Variants in TRIM58 observed in about 807,000 individuals in gnomAD.
The protein encoded by TRIM58 is tripartite motif containing 58.
Under a neutral mutation model 34.1 loss-of-function variants are expected in TRIM58, and 38 were observed. The observed-to-expected ratio is 1.12, with a 90% confidence interval of 0.86 to 1.46. TRIM58 has a LOEUF of 1.46. Ranked by LOEUF, TRIM58 falls within the 40% of genes most tolerant of loss-of-function variation. The pLI, the probability that TRIM58 is intolerant of heterozygous loss-of-function variation, is 0.00. For missense variants in TRIM58, 677 were observed against 642.0 expected, an observed-to-expected ratio of 1.05 and a Z score of -0.59; for synonymous variants, 273 against 275.7, an observed-to-expected ratio of 0.99 and a Z score of 0.10.
At chr1:247,871,945 A>C (rs558132738) in intron 5 of TRIM58, among the ~76,000 whole-genome samples, 105 of 152,334 alleles carry the variant, frequency 6.9e-4, no homozygotes, top group African/African-American at 2.5e-3. Context: ...GCAGGGGATA[A>C]CCCAGCAAAT....
rs775382601 is a variant in TRIM58, at chr1:247,864,849, C to T, written c.661C>T (p.Arg221Trp). The stretch of plus-strand genomic sequence containing the variant: ...GCAGAGACTGCGGGAGAGCAAGAGC[C>T]GGCTGGTCCAGCAGAGCAAGGCCCT... ...TLQRLRESKS[R>W]LVQQSKALKE... is the part of the protein sequence containing the mutation. Residue 221 changes from arginine to tryptophan, a missense_variant, in exon 3 of 6, where the codon CGG becomes TGG. By Grantham distance (101) the Arg-to-Trp change is moderately radical (BLOSUM62 -3). Transcript: ENST00000366481. The T allele has an allele frequency of 1.5e-5, 24 of 1,612,542 alleles. No individual in the cohort carries two copies. The highest frequency in any genetic ancestry group is 1.8e-4 in the Middle Eastern group (1 of 5,512).
rs116605511 is a variant in TRIM58, at chr1:247,876,636, G to A, written c.*147G>A. The A allele has an allele frequency of 3.4e-3, 2,189 of 636,150 alleles. 34 individuals carry two copies. In the African/African-American group the frequency reaches 0.036, roughly 10 times the overall value. The allele number at this position is 636,150 out of a possible 1,614,324, so 39.4% of individuals were successfully genotyped here. ...TGAAATATGTCCATGGGACAAAAGA[G>A]GGAATATGAAATATTTGCATATGGG... On this transcript the variant is annotated 3_prime_UTR_variant, in exon 6 of 6. Coordinates refer to ENST00000366481, the MANE Select transcript of TRIM58 (RefSeq NM_015431.4).
chr1:247,880,086 A>T lies in TRIM58; in HGVS notation c.*3597A>T, dbSNP rs1368925270. 6.6e-6 allele frequency among the ~76,000 whole-genome samples: 1 copy of T among 152,196 alleles called. No homozygotes were observed. Among genetic ancestry groups the T allele is most frequent in the East Asian group, 1.9e-4 (1 of 5,184 alleles). ...CAATGCTGGTTTGTATGTGGTTATC[A>T]TTCAATCTGTATTTGTTGAATGAAT... On this transcript the variant is annotated 3_prime_UTR_variant, in exon 6 of 6. Coordinates refer to ENST00000366481, the MANE Select transcript of TRIM58 (RefSeq NM_015431.4).
At chr1:247,865,023 G>T in intron 3 of TRIM58, 88 bp downstream of exon 3, 1 of 1,261,976 alleles carries the variant, frequency 7.9e-7, no homozygotes, top group African/African-American at 1.5e-5. Context: ...ACACTTTGGC[G>T]TTTATGTTCT....
intron 2 of TRIM58, among the ~76,000 whole-genome samples, chr1:247,861,291 A>G (rs1663788419): frequency 6.6e-6 from 1 of 152,092 alleles, no homozygotes; most frequent in African/African-American, 2.4e-5. Context: ...ACACACACAC[A>G]CAGTGATTCT....
intron 1 of TRIM58, among the ~76,000 whole-genome samples, chr1:247,858,099 GA>G (rs1342887703): frequency 6.6e-6 from 1 of 152,224 alleles, no homozygotes; most frequent in East Asian, 1.9e-4. Context: ...TACATTAAAT[GA>G]GTGTTGTCAG....
Position 247,864,852 on chromosome 1 carries a change from C to T in TRIM58, c.664C>T (p.Leu222=), listed in dbSNP as rs1266420504. 3.7e-6 allele frequency: 6 copies of T among 1,612,482 alleles called. No individual in the cohort carries two copies. The highest frequency in any genetic ancestry group is 1.1e-5 in the South Asian group (1 of 90,834). The stretch of plus-strand genomic sequence containing the variant: ...GAGACTGCGGGAGAGCAAGAGCCGG[C>T]TGGTCCAGCAGAGCAAGGCCCTGAA... ...LQRLRESKSR[L]VQQSKALKEL... The change falls in exon 3 of 6, where the codon CTG becomes TTG. Residue 222 remains leucine (L), a synonymous_variant. Transcript: ENST00000366481.
At position 247,857,292 on chromosome 1, in the gene TRIM58, T is replaced by G. The variant is rs567658376; in HGVS notation, c.46T>G (p.Cys16Gly). Reference sequence around the variant, plus strand: ...GGAGCGGCTGCGCGAGGATGCGCGGTGCCCGGTGTGCCTGGATTTCCTGCA... The same window carrying G: ...GGAGCGGCTGCGCGAGGATGCGCGGGGCCCGGTGTGCCTGGATTTCCTGCA... Reference protein sequence around the residue: ...PGERLREDARCPVCLDFLQEP... With the variant: ...PGERLREDARGPVCLDFLQEP... The change falls in exon 1 of 6, where the codon TGC (cysteine) becomes GGC (glycine). Residue 16 changes from cysteine to glycine, a missense_variant. Physicochemically the swap from Cys to Gly is radical, Grantham distance 159 (BLOSUM62 -3). Transcript: ENST00000366481. 1 of 1,395,894 alleles carries G rather than the reference T, an allele frequency of 7.2e-7. No individual in the cohort carries two copies. The highest frequency in any genetic ancestry group is 2.9e-5 in the East Asian group (1 of 33,976). The allele number at this position is 1,395,894 out of a possible 1,614,324, so 86.5% of individuals were successfully genotyped here.
chr1:247,874,247 T>C (rs1290058245), intron 5 of TRIM58, among the ~76,000 whole-genome samples: 1 of 152,206 alleles, frequency 6.6e-6, no homozygotes, highest in African/African-American at 2.4e-5. Flanking sequence ...TCAGGACACC[T>C]ACAGTCATGG....
chr1:247,857,389 A>T lies in TRIM58; in HGVS notation c.143A>T (p.Asp48Val), dbSNP rs748644685. The change falls in exon 1 of 6, where the codon GAC becomes GTC. Residue 48 changes from aspartate (D) to valine (V), a missense_variant. By Grantham distance (152) the Asp-to-Val change is radical. Transcript: ENST00000366481. ...RCISEFCEKS[D>V]GAQGGVYACP... ...ATCTCCGAGTTCTGCGAGAAGTCGGACGGCGCGCAGGGCGGCGTCTACGCC... is the reference window on the plus strand; with the variant it reads ...ATCTCCGAGTTCTGCGAGAAGTCGGTCGGCGCGCAGGGCGGCGTCTACGCC... 1 of 1,524,990 alleles carries T rather than the reference A, an allele frequency of 6.6e-7. No homozygotes were observed. The highest frequency in any genetic ancestry group is 1.2e-5 in the South Asian group (1 of 80,114). 94.5% of individuals were successfully genotyped at this position (1,524,990 alleles called of 1,614,324 possible).
chr1:247,872,953 G>A (rs1318654263), intron 5 of TRIM58, among the ~76,000 whole-genome samples: 1 of 152,218 alleles, frequency 6.6e-6, no homozygotes, highest in South Asian at 2.1e-4. Flanking sequence ...CTCTGGGCCG[G>A]GCGCGGTGGC....
At chr1:247,857,728 G>A in intron 1 of TRIM58, 62 bp downstream of exon 1, 3 of 1,203,562 alleles carry the variant, frequency 2.5e-6, no homozygotes, top group South Asian at 8.2e-5. Context: ...GCGACAGTCC[G>A]GAGCGGAGCC....
At chr1:247,858,083 A>G (rs1663683191) in intron 1 of TRIM58, among the ~76,000 whole-genome samples, 1 of 152,206 alleles carries the variant, frequency 6.6e-6, no homozygotes, top group African/African-American at 2.4e-5. Context: ...GCTTTTGCAC[A>G]GTGTTTACAT....
chr1:247,857,813 GCTCA>G, intron 1 of TRIM58, 147 bp downstream of exon 1: 1 of 1,135,920 alleles, frequency 8.8e-7, no homozygotes, highest in Non-Finnish European at 1.1e-6. Context: ...CGCCCACGCG[GCTCA>G]CTCAGTGTGG....
At position 247,876,269 on chromosome 1, in the gene TRIM58, T is replaced by A. The variant is rs1401122888; in HGVS notation, c.1241T>A (p.Phe414Tyr). ...GAAAGTCCTCGCTGCATTGGGATTT[T>A]CTTGGACTATGAAGCCGGTGAAATT... is the stretch of plus-strand genomic sequence containing the variant. ...QLESPRCIGIFLDYEAGEISF... is the reference protein window; with the variant it reads ...QLESPRCIGIYLDYEAGEISF... The change falls in exon 6 of 6, where the codon TTC becomes TAC. Residue 414 changes from phenylalanine to tyrosine, a missense_variant. Physicochemically the swap from Phe to Tyr is conservative, Grantham distance 22. Coordinates refer to ENST00000366481, the MANE Select transcript of TRIM58 (RefSeq NM_015431.4). 8 of 1,614,088 alleles carry A rather than the reference T, an allele frequency of 5.0e-6. No homozygotes were observed. The highest frequency in any genetic ancestry group is 6.8e-6 in the Non-Finnish European group (8 of 1,180,040).
At chr1:247,862,939 C>T (rs1400661068) in intron 2 of TRIM58, among the ~76,000 whole-genome samples, 1 of 152,146 alleles carries the variant, frequency 6.6e-6, no homozygotes, top group Non-Finnish European at 1.5e-5. Context: ...CCCCCTCGTG[C>T]CCCAGGTATG....
rs1341118126 is a variant in TRIM58 at position 247,879,551 on chromosome 1, TCA to T, written c.*3065_*3066del. On this transcript the variant is annotated 3_prime_UTR_variant, in exon 6 of 6. Coordinates refer to ENST00000366481, the MANE Select transcript of TRIM58 (RefSeq NM_015431.4). ...CAACTTAGAGTGAAAGTCAGAATCC[TCA>T]CAGTGAATCCCCAGGCCCTAGAGGA... is the stretch of plus-strand genomic sequence containing the variant. Among the ~76,000 whole-genome samples, 3 of 151,960 alleles carry T rather than the reference TCA, an allele frequency of 2.0e-5. No individual in the cohort carries two copies. Among genetic ancestry groups the T allele is most frequent in the African/African-American group, 7.2e-5 (3 of 41,380 alleles).
chr1:247,864,980 GAC>G, intron 3 of TRIM58, 45 bp downstream of exon 3: 1 of 1,490,980 alleles, frequency 6.7e-7, no homozygotes, highest in Non-Finnish European at 9.0e-7. Context: ...AGACTCAGGT[GAC>G]AGAGACTAGT....
chr1:247,875,631 C>T (rs943296451), intron 5 of TRIM58, among the ~76,000 whole-genome samples: 1 of 151,866 alleles, frequency 6.6e-6, no homozygotes, highest in Admixed American at 6.6e-5. Flanking sequence ...CTTGGTTTGT[C>T]GTCATCAATA....
Sources: gnomAD v4.1 joint callset for allele counts (sites outside exome capture counted in the v4.1 genomes callset) on GRCh38, gnomAD v4.1.1 for gene constraint, MANE v1.5 for transcripts, NCBI Gene and HGNC (gene_info 2026-07-23, HGNC 2026-07-21) for gene names.